The following ATF6B variants were observed in gnomAD, a reference collection of about 807,000 sequenced individuals.
ATF6B encodes cyclic AMP-dependent transcription factor ATF-6 beta.
In ATF6B, 50 loss-of-function variants were observed where a neutral mutation model predicts 83.5. The observed-to-expected ratio is 0.60, with a 90% confidence interval of 0.48 to 0.76. The LOEUF (loss-of-function observed/expected upper bound fraction) is 0.76, where lower values mean the gene tolerates loss of function less well. Ranked by LOEUF, ATF6B falls within the 30% of genes least tolerant of loss-of-function variation. The pLI, the probability that ATF6B is intolerant of heterozygous loss-of-function variation, is 0.00. For synonymous variants in ATF6B, 344 were observed against 362.8 expected (o/e 0.95, Z 0.59); for missense variants, 790 against 893.8 (o/e 0.88, Z 1.48).
rs1372354551 is a variant in ATF6B at position 32,125,079 on chromosome 6, C to T, written c.478+1038G>A. ...TCCTGACCTCGTGATCCGCCCACCT[C>T]GGCCTCCCAAAGTGCTGGGATTACA... On this transcript the variant is annotated intron_variant, in intron 5 of 17. Coordinates refer to ENST00000375203, the MANE Select transcript of ATF6B (RefSeq NM_004381.5). The surrounding 1 kb of genome is among the most constrained non-coding windows in gnomAD (Gnocchi z 4.1). 1.3e-5 allele frequency among the ~76,000 whole-genome samples: 2 copies of T among 152,094 alleles called. No homozygotes were observed. Among genetic ancestry groups the T allele is most frequent in the East Asian group, 3.9e-4 (2 of 5,168 alleles).
chr6:32,127,147 G>A lies in ATF6B; in HGVS notation c.298C>T (p.Leu100Phe), dbSNP rs1050563393. Residue 100 changes from leucine (L) to phenylalanine (F), a missense_variant, in exon 4 of 18, where the codon CTC becomes TTC. Around this residue, in one of 3 missense-constraint regions of ATF6B, gnomAD observed 253 missense variants for 243.1 expected, o/e 1.04. Coordinates refer to ENST00000375203, the MANE Select transcript of ATF6B (RefSeq NM_004381.5). ...GAGAGACGCGATGACTCGGAGCTGA[G>A]GGAGGAGGAAGAGCAGGGGGAAGAT... Reference protein sequence around the residue: ...EPSSPCSSSSLSSESSRLSTE... With the variant: ...EPSSPCSSSSFSSESSRLSTE... 3.1e-6 allele frequency: 5 copies of A among 1,611,720 alleles called. No individual in the cohort carries two copies. Among genetic ancestry groups the A allele is most frequent in the African/African-American group, 2.7e-5 (2 of 74,902 alleles).
chr6:32,122,287 T>A (rs187237491), intron 5 of ATF6B, among the ~76,000 whole-genome samples: 124 of 152,224 alleles, frequency 8.1e-4, no homozygotes, highest in East Asian at 3.9e-4. Flanking sequence ...CCTCTGAGCC[T>A]CCATGGCCTC....
chr6:32,118,165 G>T lies in ATF6B; in HGVS notation c.1245-127C>A. The T allele has an allele frequency of 8.5e-7, 1 of 1,178,788 alleles. No homozygotes were observed. Among genetic ancestry groups the T allele is most frequent in the Non-Finnish European group, 1.2e-6 (1 of 819,094 alleles). 73.0% of individuals were successfully genotyped at this position (1,178,788 alleles called of 1,614,324 possible). A position where few individuals can be genotyped will look rare whatever the true frequency, so the allele number is the denominator to read the frequency against. On this transcript the variant is annotated intron_variant, in intron 11 of 17. Coordinates refer to ENST00000375203, the MANE Select transcript of ATF6B (RefSeq NM_004381.5). This position sits in a 1 kb window ranked among gnomAD's most constrained non-coding sequence, Gnocchi z 5.2. ...GTTATACAAGCCTGAGTCTGCCTCT[G>T]TAAGATGGGAATAAGGATGGTCCCT...
chr6:32,127,320 G>T (rs1782023809), intron 3 of ATF6B, 122 bp downstream of exon 3: 2 of 1,356,300 alleles, frequency 1.5e-6, no homozygotes, highest in African/African-American at 1.5e-5. Context: ...ATAGGGGATT[G>T]AAGGAGAGAG....
chr6:32,127,905 T>C, intron 1 of ATF6B, 155 bp from the exon 2 acceptor site: 3 of 1,015,902 alleles, frequency 3.0e-6, no homozygotes, highest in Non-Finnish European at 2.9e-6. Context: ...AGCCCCTCCT[T>C]CCCCGACCCC....
At chr6:32,124,323 T>C (rs908641736) in intron 5 of ATF6B, among the ~76,000 whole-genome samples, 3 of 152,236 alleles carry the variant, frequency 2.0e-5, no homozygotes, top group African/African-American at 7.2e-5. Context: ...ACAGCCATCC[T>C]AGCCACAAAC....
Position 32,118,631 on chromosome 6 carries a change from C to T in ATF6B, c.1244+144G>A, listed in dbSNP as rs898258460. The T allele has an allele frequency of 2.6e-6, 2 of 771,100 alleles. No homozygotes were observed. The highest frequency in any genetic ancestry group is 3.5e-5 in the African/African-American group (2 of 57,340). 47.8% of individuals were successfully genotyped at this position (771,100 alleles called of 1,614,324 possible). On this transcript the variant is annotated intron_variant, in intron 11 of 17. Coordinates refer to ENST00000375203, the MANE Select transcript of ATF6B (RefSeq NM_004381.5). The surrounding 1 kb of genome is among the most constrained non-coding windows in gnomAD (Gnocchi z 5.2). ...AGACAAATAATGGAGCAGGAAGGGG[C>T]TGGCCAGACACATCATCGGTGCCAA...
Position 32,117,766 on chromosome 6 carries a change from G to A in ATF6B, c.1425-72C>T, listed in dbSNP as rs191781875. ...TCCCACAACAAAGAAGGCGATGACGGCAAGAGAAAGCTTTGGGTCCCCCTC... is the reference window on the plus strand; with the variant it reads ...TCCCACAACAAAGAAGGCGATGACGACAAGAGAAAGCTTTGGGTCCCCCTC... On this transcript the variant is annotated intron_variant, in intron 12 of 17. Coordinates refer to ENST00000375203, the MANE Select transcript of ATF6B (RefSeq NM_004381.5). The surrounding 1 kb of genome is among the most constrained non-coding windows in gnomAD (Gnocchi z 5.0). 6.3e-5 allele frequency: 100 copies of A among 1,580,312 alleles called. No homozygotes were observed. In the African/African-American group the frequency reaches 1.3e-3, roughly 21 times the overall value.
Position 32,117,957 on chromosome 6 carries a change from G to A in ATF6B, c.1326C>T (p.Phe442=). 6.2e-7 allele frequency: 1 copy of A among 1,613,496 alleles called. No individual in the cohort carries two copies. The highest frequency in any genetic ancestry group is 1.1e-5 in the South Asian group (1 of 91,010). Residue 442 remains phenylalanine, a synonymous_variant, in exon 12 of 18, where the codon TTC becomes TTT. Coordinates refer to ENST00000375203, the MANE Select transcript of ATF6B (RefSeq NM_004381.5). This position sits in a 1 kb window ranked among gnomAD's most constrained non-coding sequence, Gnocchi z 5.0. ...CTCCCTGAACTGGCTCTTGCTCTGA[G>A]AACCCCAGCAAGTGTCTCCGGGGTT... ...EPQPRRHLLG[F]SEQEPVQGVE... is the part of the protein sequence containing the mutation.
chr6:32,124,674 C>A (rs143900991), intron 5 of ATF6B, among the ~76,000 whole-genome samples: 49 of 152,324 alleles, frequency 3.2e-4, no homozygotes, highest in African/African-American at 1.2e-3. Flanking sequence ...CTTACATCCA[C>A]TCTGAAGAAA....
Position 32,117,735 on chromosome 6 carries a change from C to G in ATF6B, c.1425-41G>C, listed in dbSNP as rs1781587927. The G allele has an allele frequency of 6.2e-7, 1 of 1,600,412 alleles. No homozygotes were observed. Among genetic ancestry groups the G allele is most frequent in the Non-Finnish European group, 8.5e-7 (1 of 1,172,054 alleles). ...AAGGAGACAACACTTGGAGACTGCC[C>G]AGCACTCCCACAACAAAGAAGGCGA... On this transcript the variant is annotated intron_variant, in intron 12 of 17. Transcript: ENST00000375203. The surrounding 1 kb of genome is among the most constrained non-coding windows in gnomAD (Gnocchi z 5.0).
rs547131167 is a variant in ATF6B at position 32,117,026 on chromosome 6, C to T, written c.1685+11G>A. 5.6e-6 allele frequency: 9 copies of T among 1,613,362 alleles called. No individual in the cohort carries two copies. Among genetic ancestry groups the T allele is most frequent in the Non-Finnish European group, 8.5e-7 (1 of 1,179,534 alleles). Reference sequence around the variant, plus strand: ...TTCACTTAATAAGTAAGCACCCCACCCCACACTCACCTTTCTGGGGGTCCA... The same window carrying T: ...TTCACTTAATAAGTAAGCACCCCACTCCACACTCACCTTTCTGGGGGTCCA... On this transcript the variant is annotated intron_variant, in intron 15 of 17. Coordinates refer to ENST00000375203, the MANE Select transcript of ATF6B (RefSeq NM_004381.5). This position sits in a 1 kb window ranked among gnomAD's most constrained non-coding sequence, Gnocchi z 5.0.
chr6:32,115,932 TCA>T lies in ATF6B; in HGVS notation c.1917_1918del (p.Tyr639Ter). 6.2e-7 allele frequency: 1 copy of T among 1,613,996 alleles called. No homozygotes were observed. The highest frequency in any genetic ancestry group is 8.5e-7 in the Non-Finnish European group (1 of 1,179,942). The stretch of plus-strand genomic sequence containing the variant: ...CTCACACTCGATCTGCATCATCTCC[TCA>T]TAGTCCCCCGGGGCCCCACGGCCTG... On this transcript the variant is annotated stop_gained and frameshift_variant, in exon 18 of 18. Transcript: ENST00000375203. LOFTEE classifies it high-confidence loss of function.
chr6:32,122,008 G>T (rs1382282535), intron 5 of ATF6B, among the ~76,000 whole-genome samples: 1 of 152,142 alleles, frequency 6.6e-6, no homozygotes, highest in Non-Finnish European at 1.5e-5. Flanking sequence ...GTGGCAGGGG[G>T]GTCTCCAGCA....
chr6:32,127,120 T>C lies in ATF6B; in HGVS notation c.325A>G (p.Thr109Ala), dbSNP rs746520084. 4 of 1,606,818 alleles carry C rather than the reference T, an allele frequency of 2.5e-6. No individual in the cohort carries two copies. Among genetic ancestry groups the C allele is most frequent in the Non-Finnish European group, 1.7e-6 (2 of 1,177,186 alleles). Reference protein sequence around the residue: ...SLSSESSRLSTEPSSEALGVG... With the variant: ...SLSSESSRLSAEPSSEALGVG... ...TCTCTCACCTCGCTGGATGGCTCTGTGGAGAGACGCGATGACTCGGAGCTG... is the reference window on the plus strand; with the variant it reads ...TCTCTCACCTCGCTGGATGGCTCTGCGGAGAGACGCGATGACTCGGAGCTG... The change falls in exon 4 of 18, where the codon ACA (threonine) becomes GCA (alanine). Residue 109 changes from threonine (T) to alanine (A), a missense_variant. Thr to Ala is a moderately conservative substitution (Grantham distance 58, BLOSUM62 0). Transcript: ENST00000375203.
Position 32,128,149 on chromosome 6 carries a change from T to A in ATF6B, c.59A>T (p.Asn20Ile). The A allele has an allele frequency of 1.9e-6, 3 of 1,613,298 alleles. No homozygotes were observed. Among genetic ancestry groups the A allele is most frequent in the Non-Finnish European group, 2.5e-6 (3 of 1,179,992 alleles). The change falls in exon 1 of 18, where the codon AAC becomes ATC. Residue 20 changes from asparagine to isoleucine, a missense_variant. Physicochemically the swap from Asn to Ile is moderately radical, Grantham distance 149. This residue lies in a region of ATF6B where 253 missense variants were observed against 243.1 expected (regional missense o/e 1.04). Coordinates refer to ENST00000375203, the MANE Select transcript of ATF6B (RefSeq NM_004381.5). ...ACCCCAGTCCTCCGGGCTAAGCAGG[T>A]TGTCGGTGAAGAAACGCGTCGGGTC... ...IADPTRFFTD[N>I]LLSPEDWGLQ...
intron 3 of ATF6B, 109 bp downstream of exon 3, chr6:32,127,333 T>A: frequency 8.4e-7 from 1 of 1,192,740 alleles, no homozygotes; most frequent in Non-Finnish European, 1.2e-6. Context: ...GGAGAGAGGA[T>A]AGGCACTTAT....
In ATF6B at chr6:32,116,603, A is replaced by C; in HGVS notation, c.1798-39T>G. The C allele has an allele frequency of 6.3e-7, 1 of 1,598,674 alleles. No homozygotes were observed. Among genetic ancestry groups the C allele is most frequent in the Non-Finnish European group, 8.6e-7 (1 of 1,169,292 alleles). ...GGGCCAGGCCAGAAGGGTGGAGGCA[A>C]AGATGCCAACAAGCTCCCCAGCCCT... On this transcript the variant is annotated intron_variant, in intron 16 of 17. Transcript: ENST00000375203. The surrounding 1 kb of genome is among the most constrained non-coding windows in gnomAD (Gnocchi z 5.1).
Position 32,115,813 on chromosome 6 carries a change from C to T in ATF6B, c.2038G>A (p.Gly680Ser). The change falls in exon 18 of 18, where the codon GGC becomes AGC. Residue 680 changes from glycine to serine, a missense_variant. Physicochemically the swap from Gly to Ser is moderately conservative, Grantham distance 56. Coordinates refer to ENST00000375203, the MANE Select transcript of ATF6B (RefSeq NM_004381.5). ...CTGGCTGCAGAGACTGGCAAGGGGC[C>T]ACCTGTGGCATTGCCTGGGGTTGGG... ...PSPTPGNATG[G>S]PLPVSAASQA... 6.2e-7 allele frequency: 1 copy of T among 1,613,942 alleles called. No homozygotes were observed.
Sources: gnomAD v4.1 joint callset for allele counts (sites outside exome capture counted in the v4.1 genomes callset) on GRCh38, gnomAD v4.1.1 for gene constraint, gnomAD v4.1.1 regional missense constraint, Gnocchi (gnomAD v3.1) non-coding constraint, MANE v1.5 for transcripts, NCBI Gene and HGNC (gene_info 2026-07-23, HGNC 2026-07-21) for gene names.